Variants in PRICKLE2 observed in about 807,000 individuals in gnomAD.
The protein encoded by PRICKLE2 is prickle-like protein 2.
A neutral mutation model predicts 81.4 loss-of-function variants in PRICKLE2; 21 were observed. The observed-to-expected ratio is 0.26, with a 90% CI of 0.18 to 0.37. PRICKLE2 has a LOEUF of 0.37. Ranked by LOEUF, PRICKLE2 falls within the 10% of genes least tolerant of loss-of-function variation. The pLI, the probability that PRICKLE2 is intolerant of heterozygous loss-of-function variation, is 1.00. For synonymous variants in PRICKLE2, 456 were observed against 421.5 expected, an observed-to-expected ratio of 1.08 and a Z score of -1.00; for missense variants, 940 against 1,109.0, an observed-to-expected ratio of 0.85 and a Z score of 2.16.
chr3:64,262,984 T>C (rs1406230306), intron 2 of PRICKLE2, among the ~76,000 whole-genome samples: 1 of 151,538 alleles, frequency 6.6e-6, no homozygotes, highest in Non-Finnish European at 1.5e-5. Flanking sequence ...TGAAAGGGGG[T>C]TCCAGGGTCA....
rs1349525240 is a variant in PRICKLE2 at position 64,098,591 on chromosome 3, T to C, written c.*460A>G. 1 of 177,604 alleles carries C rather than the reference T, an allele frequency of 5.6e-6. No individual in the cohort carries two copies. The highest frequency in any genetic ancestry group is 2.4e-5 in the African/African-American group (1 of 41,886). The allele number at this position is 177,604 out of a possible 1,614,324, so 11.0% of individuals were successfully genotyped here. The stretch of plus-strand genomic sequence containing the variant: ...TACGATATAGAAATTCCTTTGATAT[T>C]ACAAAATACAAAAATATTTTATCAG... On this transcript the variant is annotated 3_prime_UTR_variant, in exon 8 of 8. Coordinates refer to ENST00000638394, the MANE Select transcript of PRICKLE2 (RefSeq NM_198859.4).
In PRICKLE2 at chr3:64,148,568, G is replaced by C. The variant is rs141550441; in HGVS notation, c.788-866C>G. On this transcript the variant is annotated intron_variant, in intron 6 of 7. Coordinates refer to ENST00000638394, the MANE Select transcript of PRICKLE2 (RefSeq NM_198859.4). ...GGGTAAGTCACAGCAGCAACTCAGT[G>C]GATGCTATGGTGAATGTTTTCTTCA... is the stretch of plus-strand genomic sequence containing the variant. Among the ~76,000 whole-genome samples, 3 of 152,258 alleles carry C rather than the reference G, an allele frequency of 2.0e-5. No individual in the cohort carries two copies. In the East Asian group the frequency reaches 5.8e-4, roughly 29 times the overall value.
intron 2 of PRICKLE2, among the ~76,000 whole-genome samples, chr3:64,169,548 C>T (rs2077894874): frequency 6.6e-6 from 1 of 152,116 alleles, no homozygotes; most frequent in Non-Finnish European, 1.5e-5. Context: ...CCATTTTCAT[C>T]CCTCTGGGTC....
intron 7 of PRICKLE2, among the ~76,000 whole-genome samples, chr3:64,140,607 A>G (rs1287073391): frequency 1.3e-5 from 2 of 152,126 alleles, no homozygotes; most frequent in Non-Finnish European, 2.9e-5. Flanking sequence ...CAGCTCTACT[A>G]TATACCTGGT....
intron 7 of PRICKLE2, among the ~76,000 whole-genome samples, chr3:64,118,712 C>T (rs1096170): frequency 0.53 from 79,375 of 151,184 alleles, 21,146 homozygotes; most frequent in South Asian, 0.62. Flanking sequence ...GCTGGCTATT[C>T]TTAAAAAGGC....
rs138219065 is a variant in PRICKLE2, at chr3:64,225,000, T to A, written c.-131A>T. ...TGTCCCAGTTCACTTTCTCCCTGGA[T>A]CTGACTTCTAAGAACGCAAGCAGGA... On this transcript the variant is annotated 5_prime_UTR_variant, in exon 1 of 8. Transcript: ENST00000638394. 1.0e-5 allele frequency: 10 copies of A among 985,414 alleles called. No homozygotes were observed. The highest frequency in any genetic ancestry group is 1.2e-5 in the Non-Finnish European group (10 of 830,002). The allele number at this position is 985,414 out of a possible 1,614,324, so 61.0% of individuals were successfully genotyped here. A position where few individuals can be genotyped will look rare whatever the true frequency, so the allele number is the denominator to read the frequency against.
At chr3:64,108,040 C>T (rs1450484426) in intron 7 of PRICKLE2, among the ~76,000 whole-genome samples, 2 of 152,192 alleles carry the variant, frequency 1.3e-5, no homozygotes, top group Admixed American at 6.5e-5. Context: ...TGGGCCAAAT[C>T]CAGCTTACTG....
chr3:64,200,044 C>A (rs2078542785), intron 1 of PRICKLE2: 1 of 152,194 alleles, frequency 6.6e-6, no homozygotes, highest in Non-Finnish European at 1.5e-5. Flanking sequence ...ACTCTTAATA[C>A]ATTCGGAATT....
chr3:64,117,104 T>G (rs1486728025), intron 7 of PRICKLE2, among the ~76,000 whole-genome samples: 1 of 152,202 alleles, frequency 6.6e-6, no homozygotes, highest in Non-Finnish European at 1.5e-5. Context: ...GAAAACCATA[T>G]GATTATCACA....
intron 2 of PRICKLE2, among the ~76,000 whole-genome samples, chr3:64,244,595 G>A (rs1009357408): frequency 5.2e-5 from 7 of 134,140 alleles, no homozygotes; most frequent in African/African-American, 1.7e-4. Context: ...GAGAAAAAGT[G>A]AATGACTGGT....
chr3:64,125,851 C>T (rs1400566249), intron 7 of PRICKLE2, among the ~76,000 whole-genome samples: 1 of 152,074 alleles, frequency 6.6e-6, no homozygotes, highest in Admixed American at 6.6e-5. Flanking sequence ...GACAAAGAAC[C>T]TGAAATACAA....
rs111629960 is a variant in PRICKLE2 at position 64,158,192 on chromosome 3, T to C, written c.397-827A>G. Among the ~76,000 whole-genome samples the C allele has an allele frequency of 2.2e-3, 332 of 152,328 alleles. 1 individual carries two copies. Among genetic ancestry groups the C allele is most frequent in the Non-Finnish European group, 3.8e-3 (259 of 68,030 alleles). ...GGCCTTGAGGTTCACAGGTTGAGTA[T>C]AGTTCTAGGGTCATACAAGAGTGGC... On this transcript the variant is annotated intron_variant, in intron 4 of 7. Coordinates refer to ENST00000638394, the MANE Select transcript of PRICKLE2 (RefSeq NM_198859.4).
At chr3:64,231,198 A>T (rs2079095843) in intron 2 of PRICKLE2, among the ~76,000 whole-genome samples, 1 of 152,196 alleles carries the variant, frequency 6.6e-6, no homozygotes, top group Non-Finnish European at 1.5e-5. Flanking sequence ...TACATTAATT[A>T]AAATGAGAAA....
At chr3:64,222,968 A>C (rs1018655491) in intron 1 of PRICKLE2, among the ~76,000 whole-genome samples, 2 of 152,152 alleles carry the variant, frequency 1.3e-5, no homozygotes, top group African/African-American at 4.8e-5. Context: ...CCAGCTGGTC[A>C]CTTTCAGTTC....
chr3:64,208,441 C>T (rs2078728326), intron 1 of PRICKLE2, among the ~76,000 whole-genome samples: 2 of 152,090 alleles, frequency 1.3e-5, no homozygotes, highest in Admixed American at 1.3e-4. Context: ...GTCAGAACGC[C>T]AGAAAGGAAG....
intron 5 of PRICKLE2, 49 bp from the exon 6 acceptor site, chr3:64,153,417 A>G (rs768302831): frequency 3.1e-6 from 5 of 1,589,114 alleles, no homozygotes; most frequent in African/African-American, 1.3e-5. Flanking sequence ...CATCCAGAAC[A>G]TATTTTAAAG....
At chr3:64,114,743 G>A (rs76636690) in intron 7 of PRICKLE2, among the ~76,000 whole-genome samples, 88 of 152,160 alleles carry the variant, frequency 5.8e-4, no homozygotes, top group African/African-American at 1.9e-3. Flanking sequence ...CCAAATCTAT[G>A]ACTGATTGGT....
chr3:64,108,132 G>A (rs937352119), intron 7 of PRICKLE2, among the ~76,000 whole-genome samples: 4 of 152,148 alleles, frequency 2.6e-5, no homozygotes, highest in Non-Finnish European at 4.4e-5. Flanking sequence ...TTCCAGATTT[G>A]GGGAGTTGTG....
intron 2 of PRICKLE2, among the ~76,000 whole-genome samples, chr3:64,243,909 G>A (rs1324682199): frequency 6.6e-6 from 1 of 152,216 alleles, no homozygotes; most frequent in Admixed American, 6.5e-5. Flanking sequence ...CAATAAAATG[G>A]TATCTGTGAG....
Sources: gnomAD v4.1 joint callset for allele counts (sites outside exome capture counted in the v4.1 genomes callset) on GRCh38, gnomAD v4.1.1 for gene constraint, MANE v1.5 for transcripts, NCBI Gene and HGNC (gene_info 2026-07-23, HGNC 2026-07-21) for gene names.